The following ST3GAL1 variants were observed in gnomAD, a reference collection of about 807,000 sequenced individuals.
ST3GAL1 encodes CMP-N-acetylneuraminate-beta-galactosamide-alpha-2,3-sialyltransferase 1.
ST3GAL1 carries 16 observed loss-of-function variants against 34.1 expected under a neutral mutation model. That is an observed-to-expected ratio of 0.47 (90% CI 0.32 to 0.71). The LOEUF (loss-of-function observed/expected upper bound fraction) is 0.71. Ranked by LOEUF, ST3GAL1 falls within the 30% of genes least tolerant of loss-of-function variation. The probability of loss-of-function intolerance (pLI) is 0.04; values close to 1 mark genes in which losing one functional copy is unlikely to be tolerated. For missense variants in ST3GAL1, 353 were observed against 447.4 expected, an observed-to-expected ratio of 0.79 and a Z score of 1.90; for synonymous variants, 191 against 184.7, an observed-to-expected ratio of 1.03 and a Z score of -0.28.
chr8:133,548,634 C>A (rs939117236), intron 1 of ST3GAL1, among the ~76,000 whole-genome samples: 3 of 152,204 alleles, frequency 2.0e-5, no homozygotes, highest in Non-Finnish European at 2.9e-5. Flanking sequence ...CTTGGACACA[C>A]CACCTTCCAA....
At chr8:133,501,602 A>G (rs893953961) in intron 2 of ST3GAL1, among the ~76,000 whole-genome samples, 7 of 152,072 alleles carry the variant, frequency 4.6e-5, no homozygotes, top group African/African-American at 1.7e-4. Context: ...TACAAAAATG[A>G]GCCAGGTGTG....
chr8:133,546,159 A>C (rs1818664152), intron 1 of ST3GAL1, among the ~76,000 whole-genome samples: 1 of 152,218 alleles, frequency 6.6e-6, no homozygotes, highest in Non-Finnish European at 1.5e-5. Context: ...GGGAGTTCAG[A>C]CTGGGAGAAA....
At position 133,458,620 on chromosome 8, in the gene ST3GAL1, C is replaced by G. The variant is rs1815384305; in HGVS notation, c.*1144G>C. Reference sequence around the variant, plus strand: ...TCAGAGCTTCGTTGCAATTCAGGTGCTGGCTCAGGAAACCAGAAAAGATGT... The same window carrying G: ...TCAGAGCTTCGTTGCAATTCAGGTGGTGGCTCAGGAAACCAGAAAAGATGT... On this transcript the variant is annotated 3_prime_UTR_variant, in exon 10 of 10. Coordinates refer to ENST00000522652, the MANE Select transcript of ST3GAL1 (RefSeq NM_173344.3). The G allele has an allele frequency of 6.6e-6, 1 of 152,222 alleles. No individual in the cohort carries two copies. Among genetic ancestry groups the G allele is most frequent in the South Asian group, 2.1e-4 (1 of 4,830 alleles). The allele number at this position is 152,222 out of a possible 1,614,324, so 9.4% of individuals were successfully genotyped here. A position where few individuals can be genotyped will look rare whatever the true frequency, so the allele number is the denominator to read the frequency against.
chr8:133,505,707 A>G (rs1197693252), intron 2 of ST3GAL1, among the ~76,000 whole-genome samples: 10 of 151,696 alleles, frequency 6.6e-5, no homozygotes, highest in East Asian at 3.9e-4. Flanking sequence ...GGTTCAAGCG[A>G]GTCTCCTGCC....
In ST3GAL1 at chr8:133,556,085, G is replaced by A. The variant is rs557995548; in HGVS notation, c.-581-10159C>T. Among the ~76,000 whole-genome samples the A allele has an allele frequency of 1.1e-3, 165 of 151,996 alleles. No homozygotes were observed. The highest frequency in any genetic ancestry group is 2.0e-3 in the Non-Finnish European group (133 of 67,984). On this transcript the variant is annotated intron_variant, in intron 1 of 9. Coordinates refer to ENST00000522652, the MANE Select transcript of ST3GAL1 (RefSeq NM_173344.3). The surrounding 1 kb of genome is among the most constrained non-coding windows in gnomAD (Gnocchi z 8.9). ...ATTTTTTTTGTATTTTAGTAGAGACGGGGTTTCATCATGTTGCCCAGGCTG... is the reference window on the plus strand; with the variant it reads ...ATTTTTTTTGTATTTTAGTAGAGACAGGGTTTCATCATGTTGCCCAGGCTG...
At chr8:133,510,894 G>A (rs1467524576) in intron 2 of ST3GAL1, among the ~76,000 whole-genome samples, 4 of 152,246 alleles carry the variant, frequency 2.6e-5, no homozygotes, top group Non-Finnish European at 4.4e-5. Flanking sequence ...GACAGGGAAT[G>A]AAGCAGGTGA....
chr8:133,487,297 A>G (rs868422954), intron 3 of ST3GAL1, among the ~76,000 whole-genome samples: 1,261 of 60,744 alleles, frequency 0.021, 13 homozygotes, highest in African/African-American at 0.058. Context: ...CTATTGGTAT[A>G]TATATATATA....
chr8:133,504,418 T>C (rs543898097), intron 2 of ST3GAL1, among the ~76,000 whole-genome samples: 1 of 152,364 alleles, frequency 6.6e-6, no homozygotes, highest in Admixed American at 6.5e-5. Context: ...AGCTTTTCTT[T>C]GAGTCATTTC....
chr8:133,538,345 T>A (rs1818368551), intron 2 of ST3GAL1, among the ~76,000 whole-genome samples: 1 of 152,030 alleles, frequency 6.6e-6, no homozygotes, highest in Non-Finnish European at 1.5e-5. Flanking sequence ...CGAAACCCCA[T>A]CTCTACTACA....
At position 133,485,472 on chromosome 8, in the gene ST3GAL1, T is replaced by TC. The variant is rs1816548616; in HGVS notation, c.-373-8873dup. 4.6e-5 allele frequency among the ~76,000 whole-genome samples: 7 copies of TC among 152,302 alleles called. No individual in the cohort carries two copies. In the Middle Eastern group the frequency reaches 0.017, roughly 370 times the overall value. ...CCCAAACCCTGGAGGTCCCCCATTC[T>TC]CACTGCCCTTCCAAGAACTTCATAA... On this transcript the variant is annotated intron_variant, in intron 3 of 9. Transcript: ENST00000522652.
chr8:133,471,903 G>A (rs71526296), intron 5 of ST3GAL1, among the ~76,000 whole-genome samples: 1,698 of 151,890 alleles, frequency 0.011, 20 homozygotes, highest in Non-Finnish European at 0.016. Flanking sequence ...GGGGAGGGTC[G>A]CACTCTTTCT....
chr8:133,552,086 TG>T (rs1818881606), intron 1 of ST3GAL1, among the ~76,000 whole-genome samples: 1 of 152,208 alleles, frequency 6.6e-6, no homozygotes, highest in South Asian at 2.1e-4. Context: ...CCAAGCACTG[TG>T]TTCTGCCCTG....
At chr8:133,538,963 A>T (rs767456194) in intron 2 of ST3GAL1, among the ~76,000 whole-genome samples, 29 of 152,128 alleles carry the variant, frequency 1.9e-4, no homozygotes, top group Admixed American at 4.6e-4. Context: ...CATCATCCGT[A>T]AAAAAGGGAA....
chr8:133,532,883 G>A (rs1478079297), intron 2 of ST3GAL1, among the ~76,000 whole-genome samples: 5 of 152,158 alleles, frequency 3.3e-5, no homozygotes, highest in Non-Finnish European at 7.3e-5. Flanking sequence ...GATAGTTTGG[G>A]GACGAGAAGC....
intron 3 of ST3GAL1, among the ~76,000 whole-genome samples, chr8:133,493,320 G>A (rs1338629936): frequency 6.6e-6 from 1 of 152,244 alleles, no homozygotes; most frequent in Non-Finnish European, 1.5e-5. Flanking sequence ...TTGGGTCTTG[G>A]AGAGAAACGA....
chr8:133,531,385 T>C (rs901504168), intron 2 of ST3GAL1, among the ~76,000 whole-genome samples: 1 of 152,152 alleles, frequency 6.6e-6, no homozygotes, highest in Non-Finnish European at 1.5e-5. Context: ...GCGTTTAATA[T>C]GTACCTGGCT....
At chr8:133,489,969 C>T (rs989454270) in intron 3 of ST3GAL1, among the ~76,000 whole-genome samples, 1 of 152,158 alleles carries the variant, frequency 6.6e-6, no homozygotes, top group African/African-American at 2.4e-5. Flanking sequence ...GTCTGCCCCT[C>T]CTTCTCTCCA....
intron 1 of ST3GAL1, among the ~76,000 whole-genome samples, chr8:133,568,802 G>C (rs565019549): frequency 6.6e-6 from 1 of 152,094 alleles, no homozygotes; most frequent in African/African-American, 2.4e-5. Flanking sequence ...TCCTGGCTCG[G>C]GGGCTGCTTG....
At position 133,466,344 on chromosome 8, in the gene ST3GAL1, A is replaced by G. The variant is rs1329119885; in HGVS notation, c.307-254T>C. On this transcript the variant is annotated intron_variant, in intron 5 of 9. Coordinates refer to ENST00000522652, the MANE Select transcript of ST3GAL1 (RefSeq NM_173344.3). The surrounding 1 kb of genome is among the most constrained non-coding windows in gnomAD (Gnocchi z 4.4). ...GTTTACTGAGCACCTACCATGTGCC[A>G]GGCACTGCTGAAGCCGCTTGGGTGA... 1.3e-5 allele frequency among the ~76,000 whole-genome samples: 2 copies of G among 152,218 alleles called. No homozygotes were observed. The highest frequency in any genetic ancestry group is 6.5e-5 in the Admixed American group (1 of 15,288).
Sources: allele counts gnomAD v4.1 joint callset (sites outside exome capture counted in the v4.1 genomes callset), GRCh38; gene constraint gnomAD v4.1.1; non-coding constraint Gnocchi (gnomAD v3.1); transcripts MANE v1.5; gene names NCBI Gene and HGNC (gene_info 2026-07-23, HGNC 2026-07-21).